The following KIFAP3 variants were observed in gnomAD, a reference collection of about 807,000 sequenced individuals.
KIFAP3 encodes the protein kinesin-associated protein 3.
Under a neutral mutation model 106.5 loss-of-function variants are expected in KIFAP3, and 68 were observed. The ratio of observed to expected loss-of-function variants is 0.64; its 90% CI spans 0.53 to 0.78. The LOEUF (loss-of-function observed/expected upper bound fraction) is 0.78. Among genes scored for constraint, KIFAP3 ranks in the 30% least tolerant of loss-of-function variants. The probability of loss-of-function intolerance (pLI) is 0.00; values close to 1 mark genes in which losing one functional copy is unlikely to be tolerated. For missense variants in KIFAP3, 780 were observed against 941.8 expected, an observed-to-expected ratio of 0.83 and a Z score of 2.25; for synonymous variants, 320 against 311.5, an observed-to-expected ratio of 1.03 and a Z score of -0.29.
At chr1:170,004,285 G>A (rs2101968729) in intron 10 of KIFAP3, among the ~76,000 whole-genome samples, 1 of 152,206 alleles carries the variant, frequency 6.6e-6, no homozygotes, top group Admixed American at 6.5e-5. Flanking sequence ...TACTGCCCAA[G>A]GTAATTTATA....
intron 3 of KIFAP3, among the ~76,000 whole-genome samples, chr1:170,045,385 C>G (rs2102081761): frequency 6.6e-6 from 1 of 152,236 alleles, no homozygotes; most frequent in East Asian, 1.9e-4. Context: ...CTTGGTTTAG[C>G]TAACCTTAAG....
At chr1:170,032,130 C>T in intron 7 of KIFAP3, 146 bp from the exon 8 acceptor site, 2 of 558,056 alleles carry the variant, frequency 3.6e-6, no homozygotes, top group Non-Finnish European at 6.5e-6. Context: ...ATGTTATCTG[C>T]ATAATAACTG....
intron 10 of KIFAP3, among the ~76,000 whole-genome samples, chr1:170,000,752 G>A (rs1335282743): frequency 6.6e-6 from 1 of 152,020 alleles, no homozygotes; most frequent in African/African-American, 2.4e-5. Flanking sequence ...AACTACATTG[G>A]ATGATCTCTT....
At chr1:169,962,548 G>A (rs1665395029) in intron 17 of KIFAP3, among the ~76,000 whole-genome samples, 1 of 152,100 alleles carries the variant, frequency 6.6e-6, no homozygotes, top group Non-Finnish European at 1.5e-5. Context: ...TGTCTAAAAA[G>A]GAGTTAGAGG....
intron 2 of KIFAP3, among the ~76,000 whole-genome samples, chr1:170,048,011 G>C (rs1670350268): frequency 6.6e-6 from 1 of 152,182 alleles, no homozygotes; most frequent in African/African-American, 2.4e-5. Context: ...GCTAATTTTT[G>C]TTGGAAGACA....
chr1:169,956,631 T>C (rs1473810654), intron 18 of KIFAP3, among the ~76,000 whole-genome samples: 1 of 139,410 alleles, frequency 7.2e-6, no homozygotes, highest in Admixed American at 7.4e-5. Context: ...TTTTTTTTTT[T>C]AGACACAGGG....
intron 1 of KIFAP3, among the ~76,000 whole-genome samples, chr1:170,060,831 G>T (rs1671109704): frequency 6.6e-6 from 1 of 152,134 alleles, no homozygotes; most frequent in Non-Finnish European, 1.5e-5. Context: ...CAATGGAACA[G>T]AACAGAGCCC....
chr1:170,019,671 A>C (rs981838916), intron 9 of KIFAP3, among the ~76,000 whole-genome samples: 5 of 152,160 alleles, frequency 3.3e-5, no homozygotes, highest in African/African-American at 7.2e-5. Context: ...AGCAAGCAAG[A>C]AATAGAAGAA....
intron 19 of KIFAP3, among the ~76,000 whole-genome samples, chr1:169,931,129 A>G (rs984130203): frequency 2.0e-5 from 3 of 152,084 alleles, no homozygotes; most frequent in Non-Finnish European, 2.9e-5. Flanking sequence ...CACGTTGTCC[A>G]GGCTAGTCTC....
intron 19 of KIFAP3, among the ~76,000 whole-genome samples, chr1:169,930,620 T>C (rs1663409894): frequency 6.6e-6 from 1 of 152,234 alleles, no homozygotes; most frequent in Non-Finnish European, 1.5e-5. Context: ...TCTGGGCTGG[T>C]GAATTAACAT....
rs11447201 is a variant in KIFAP3 at position 170,048,300 on chromosome 1, GT to G, written c.165-1435del. Among the ~76,000 whole-genome samples the G allele has an allele frequency of 3.4e-3, 485 of 142,702 alleles. 2 individuals carry two copies. The highest frequency in any genetic ancestry group is 0.011 in the African/African-American group (437 of 38,146). 93.6% of individuals were successfully genotyped at this position (142,702 alleles called of 152,430 possible). A position where few individuals can be genotyped will look rare whatever the true frequency, so the allele number is the denominator to read the frequency against. On this transcript the variant is annotated intron_variant, in intron 2 of 19. Transcript: ENST00000361580. ...GTCCCTTTATTTCTTCCTTATTTGG[GT>G]TTTTTTTTTTTTGGTTCCTACCTTT...
chr1:170,003,684 C>T (rs888871222), intron 10 of KIFAP3, among the ~76,000 whole-genome samples: 1 of 152,176 alleles, frequency 6.6e-6, no homozygotes, highest in Non-Finnish European at 1.5e-5. Flanking sequence ...TGGGCTCCAC[C>T]CAGTTCGAGC....
Position 169,921,713 on chromosome 1 carries a change from C to A in KIFAP3, c.2342G>T (p.Arg781Leu). The change falls in exon 20 of 20, where the codon CGC becomes CTC. Residue 781 changes from arginine (R) to leucine (L), a missense_variant. By Grantham distance (102) the Arg-to-Leu change is moderately radical. This residue lies in a region of KIFAP3 where 114 missense variants were observed against 122.3 expected (regional missense o/e 0.93). Transcript: ENST00000361580. The stretch of plus-strand genomic sequence containing the variant: ...GCCATAGTAGTAAGGTTCATCAGGG[C>A]GGAATCCATATGCTGTGGCAGGGCG... The part of the protein sequence containing the change: ...LGRPATAYGF[R>L]PDEPYYYGYG... 1.2e-6 allele frequency: 2 copies of A among 1,613,716 alleles called. No individual in the cohort carries two copies. Among genetic ancestry groups the A allele is most frequent in the Non-Finnish European group, 1.7e-6 (2 of 1,179,736 alleles).
chr1:170,078,041 T>C (rs1209022135), upstream of KIFAP3, among the ~76,000 whole-genome samples: 1 of 152,210 alleles, frequency 6.6e-6, no homozygotes, highest in Non-Finnish European at 1.5e-5. Flanking sequence ...TTAGTTAGTA[T>C]TCTTTACTCC....
At chr1:170,054,383 T>C (rs1054482230) in intron 2 of KIFAP3, among the ~76,000 whole-genome samples, 2 of 151,686 alleles carry the variant, frequency 1.3e-5, no homozygotes, top group African/African-American at 2.4e-5. Flanking sequence ...GGTTTAACTA[T>C]TGTGGAAGAC....
At chr1:169,992,851 C>A (rs1487273619) in intron 10 of KIFAP3, among the ~76,000 whole-genome samples, 1 of 151,990 alleles carries the variant, frequency 6.6e-6, no homozygotes, top group Non-Finnish European at 1.5e-5. Flanking sequence ...GAATACATAT[C>A]AAGATTTGAA....
At chr1:169,922,680 T>C (rs1404894782) in intron 19 of KIFAP3, among the ~76,000 whole-genome samples, 1 of 152,226 alleles carries the variant, frequency 6.6e-6, no homozygotes, top group African/African-American at 2.4e-5. Context: ...GGCCTTAACA[T>C]GCTCATGCAT....
intron 2 of KIFAP3, among the ~76,000 whole-genome samples, chr1:170,048,725 A>G (rs749293782): frequency 3.3e-5 from 5 of 151,872 alleles, no homozygotes; most frequent in Non-Finnish European, 7.4e-5. Flanking sequence ...CGCTACACCC[A>G]GGAAGTGCAA....
intron 10 of KIFAP3, among the ~76,000 whole-genome samples, chr1:170,001,275 T>C (rs574403362): frequency 6.6e-6 from 1 of 152,274 alleles, no homozygotes; most frequent in African/African-American, 2.4e-5. Flanking sequence ...CTAGCCTGTA[T>C]GTCCAAATCA....
Sources: gnomAD v4.1 joint callset for allele counts (sites outside exome capture counted in the v4.1 genomes callset) on GRCh38, gnomAD v4.1.1 for gene constraint, gnomAD v4.1.1 regional missense constraint, MANE v1.5 for transcripts, NCBI Gene and HGNC (gene_info 2026-07-23, HGNC 2026-07-21) for gene names.